PCNX2: variants seen among roughly 807,000 people sequenced by gnomAD.
The protein encoded by PCNX2 is pecanex 2.
In PCNX2, 168 loss-of-function variants were observed where a neutral mutation model predicts 223.8. The observed-to-expected ratio is 0.75, with a 90% CI of 0.66 to 0.85. PCNX2 has a LOEUF of 0.85. PCNX2 is among the 40% of genes least tolerant of loss of function. PCNX2 has a pLI of 0.00. For synonymous variants in PCNX2, 1,006 were observed against 1,052.6 expected, an observed-to-expected ratio of 0.96 and a Z score of 0.86; for missense variants, 2,507 against 2,675.5, an observed-to-expected ratio of 0.94 and a Z score of 1.39.
chr1:233,070,402 C>A (rs1558202884), intron 23 of PCNX2, among the ~76,000 whole-genome samples: 1 of 151,800 alleles, frequency 6.6e-6, no homozygotes, highest in Admixed American at 6.6e-5. Flanking sequence ...CTGACAAAAA[C>A]AGCATGAAAA....
intron 8 of PCNX2, among the ~76,000 whole-genome samples, chr1:233,243,121 A>G (rs921563036): frequency 8.5e-5 from 13 of 152,228 alleles, no homozygotes; most frequent in Admixed American, 5.2e-4. Flanking sequence ...GGCCAAGGAG[A>G]GAAATTTGTT....
intron 25 of PCNX2, among the ~76,000 whole-genome samples, chr1:233,037,489 C>T (rs1671495685): frequency 7.3e-6 from 1 of 137,548 alleles, no homozygotes; most frequent in Admixed American, 7.0e-5. Flanking sequence ...CACAACCACA[C>T]CTACCTGATT....
rs938637274 is a variant in PCNX2 at position 233,266,505 on chromosome 1, A to T, written c.154-3342T>A. 2.0e-5 allele frequency among the ~76,000 whole-genome samples: 3 copies of T among 152,192 alleles called. No homozygotes were observed. In the East Asian group the frequency reaches 5.8e-4, roughly 29 times the overall value. On this transcript the variant is annotated intron_variant, in intron 1 of 33. Coordinates refer to ENST00000258229, the MANE Select transcript of PCNX2 (RefSeq NM_014801.4). ...ATCCCTGAAAATCACTTGCAAGGCC[A>T]TTTGACTGCAGACATCATCATACTC...
intron 25 of PCNX2, among the ~76,000 whole-genome samples, chr1:233,044,240 C>G (rs1671748045): frequency 6.6e-6 from 1 of 152,128 alleles, no homozygotes; most frequent in South Asian, 2.1e-4. Context: ...CCTTCGCCCA[C>G]TTTTTGATGG....
chr1:233,272,784 G>A (rs1465430115), intron 1 of PCNX2, among the ~76,000 whole-genome samples: 2 of 152,118 alleles, frequency 1.3e-5, no homozygotes, highest in East Asian at 3.9e-4. Flanking sequence ...AAATTGTGGT[G>A]TATATATTTA....
At chr1:233,205,465 G>A (rs1490468006) in intron 13 of PCNX2, among the ~76,000 whole-genome samples, 1 of 152,100 alleles carries the variant, frequency 6.6e-6, no homozygotes. Context: ...AGGCCAAGGC[G>A]GGTGGATCAC....
chr1:233,067,855 A>G (rs974808668), intron 23 of PCNX2, among the ~76,000 whole-genome samples: 1 of 152,182 alleles, frequency 6.6e-6, no homozygotes, highest in Non-Finnish European at 1.5e-5. Flanking sequence ...AGACAGAACA[A>G]CAGACTGCTG....
At chr1:233,181,583 C>T (rs574733197) in intron 15 of PCNX2, among the ~76,000 whole-genome samples, 4 of 152,220 alleles carry the variant, frequency 2.6e-5, no homozygotes, top group South Asian at 2.1e-4. Context: ...TTAGTCTGTT[C>T]GGGCTGATAT....
chr1:233,038,841 C>T (rs559832729), intron 25 of PCNX2, among the ~76,000 whole-genome samples: 1 of 152,312 alleles, frequency 6.6e-6, no homozygotes, highest in African/African-American at 2.4e-5. Context: ...CCCCACAGGC[C>T]AGTGATTATG....
At chr1:233,042,706 G>A (rs1671684683) in intron 25 of PCNX2, among the ~76,000 whole-genome samples, 1 of 152,202 alleles carries the variant, frequency 6.6e-6, no homozygotes, top group Non-Finnish European at 1.5e-5. Flanking sequence ...CTCTAAGGAA[G>A]AAATCAAGGT....
intron 23 of PCNX2, among the ~76,000 whole-genome samples, chr1:233,080,567 T>G (rs927970695): frequency 6.6e-6 from 1 of 151,988 alleles, no homozygotes; most frequent in Non-Finnish European, 1.5e-5. Context: ...CATGCTCAGG[T>G]TCTATTAAGG....
At chr1:233,271,043 T>G (rs569505039) in intron 1 of PCNX2, among the ~76,000 whole-genome samples, 5 of 152,342 alleles carry the variant, frequency 3.3e-5, no homozygotes, top group Middle Eastern at 3.4e-3. Context: ...GAACTCATGT[T>G]GTCGTTTTCA....
At chr1:233,146,471 T>C (rs547512866) in intron 19 of PCNX2, among the ~76,000 whole-genome samples, 1 of 152,250 alleles carries the variant, frequency 6.6e-6, no homozygotes, top group African/African-American at 2.4e-5. Context: ...TAAAGTACAA[T>C]CAGTTACAGT....
chr1:233,058,539 C>T (rs1672273079), intron 23 of PCNX2: 1 of 152,132 alleles, frequency 6.6e-6, no homozygotes, highest in Admixed American at 6.5e-5. Context: ...AGGGCTTCCA[C>T]AAATATATCA....
At chr1:233,295,922 C>G (rs948701073), upstream of PCNX2, among the ~76,000 whole-genome samples, 4 of 87,280 alleles carry the variant, frequency 4.6e-5, no homozygotes, top group African/African-American at 1.1e-4. The surrounding 1 kb of genome is among the most constrained non-coding windows in gnomAD (Gnocchi z 4.1). Context: ...CTCCCTCCCT[C>G]TCTCTCTCTT....
In PCNX2 at chr1:233,188,946, C is replaced by T. The variant is rs186620064; in HGVS notation, c.3067-9771G>A. 5.7e-4 allele frequency among the ~76,000 whole-genome samples: 87 copies of T among 152,320 alleles called. 1 individual carries two copies. The highest frequency in any genetic ancestry group is 2.1e-3 in the African/African-American group (87 of 41,572). ...TTCATCACAGGAGTGACATCCCATC[C>T]CCTTCACAGGTCCTGCCCACATTCA... On this transcript the variant is annotated intron_variant, in intron 15 of 33. Transcript: ENST00000258229.
chr1:233,020,154 G>A (rs1213472380), intron 26 of PCNX2, among the ~76,000 whole-genome samples: 1 of 152,204 alleles, frequency 6.6e-6, no homozygotes, highest in Non-Finnish European at 1.5e-5. Flanking sequence ...AATCCCAGAG[G>A]TTAACACTTC....
chr1:233,043,024 C>T (rs538760308), intron 25 of PCNX2, among the ~76,000 whole-genome samples: 1 of 152,176 alleles, frequency 6.6e-6, no homozygotes, highest in Non-Finnish European at 1.5e-5. Flanking sequence ...AAAGCCTATT[C>T]ATTTCTCTGG....
At chr1:233,237,883 A>G (rs1658512303) in intron 8 of PCNX2, among the ~76,000 whole-genome samples, 1 of 152,220 alleles carries the variant, frequency 6.6e-6, no homozygotes, top group Non-Finnish European at 1.5e-5. Flanking sequence ...CACAACTCTA[A>G]GAGGTCACTG....
Sources: gnomAD v4.1 joint callset for allele counts (sites outside exome capture counted in the v4.1 genomes callset) on GRCh38, gnomAD v4.1.1 for gene constraint, Gnocchi (gnomAD v3.1) non-coding constraint, MANE v1.5 for transcripts, NCBI Gene and HGNC (gene_info 2026-07-23, HGNC 2026-07-21) for gene names.